GRID2: variants seen among roughly 807,000 people sequenced by gnomAD.
The protein encoded by GRID2 is glutamate ionotropic receptor delta type subunit 2.
Under a neutral mutation model 114.8 loss-of-function variants are expected in GRID2, and 33 were observed. The observed-to-expected ratio is 0.29, with a 90% CI of 0.22 to 0.38. The LOEUF (loss-of-function observed/expected upper bound fraction) is 0.38, where lower values mean the gene tolerates loss of function less well. Ranked by LOEUF, GRID2 falls within the 10% of genes least tolerant of loss-of-function variation. The pLI is 1.00. For synonymous variants in GRID2, 505 were observed against 449.9 expected (o/e 1.12, Z -1.55); for missense variants, 1,184 against 1,257.7 (o/e 0.94, Z 0.89).
chr4:93,685,395 T>C (rs922616302), intron 14 of GRID2, among the ~76,000 whole-genome samples: 2 of 152,112 alleles, frequency 1.3e-5, no homozygotes, highest in African/African-American at 4.8e-5. Flanking sequence ...AGGTGTTCCT[T>C]GACTCCTGGA....
intron 11 of GRID2, among the ~76,000 whole-genome samples, chr4:93,484,183 A>C (rs1437603172): frequency 1.3e-5 from 2 of 151,996 alleles, no homozygotes; most frequent in East Asian, 3.9e-4. Context: ...AATTACCAGC[A>C]ATGGTCCACC....
intron 2 of GRID2, among the ~76,000 whole-genome samples, chr4:93,077,754 A>T (rs1391038210): frequency 6.6e-6 from 1 of 152,190 alleles, no homozygotes; most frequent in East Asian, 1.9e-4. Flanking sequence ...TCAGTTATTA[A>T]GTATAGGACA....
At chr4:92,537,684 C>T (rs1318577629) in intron 1 of GRID2, among the ~76,000 whole-genome samples, 1 of 151,706 alleles carries the variant, frequency 6.6e-6, no homozygotes, top group African/African-American at 2.4e-5. Context: ...GTCTTGTGAG[C>T]AGTGATCATG....
At chr4:92,616,865 C>T (rs1029493940) in intron 2 of GRID2, among the ~76,000 whole-genome samples, 14 of 151,382 alleles carry the variant, frequency 9.2e-5, no homozygotes, top group Non-Finnish European at 1.9e-4. Context: ...GAATCATTCT[C>T]TGCTAAATCT....
chr4:93,399,620 T>C (rs1473579878), intron 9 of GRID2, among the ~76,000 whole-genome samples: 1 of 152,008 alleles, frequency 6.6e-6, no homozygotes, highest in African/African-American at 2.4e-5. Context: ...GACAAAGCAA[T>C]AGAGCCATGG....
chr4:92,644,104 TA>T (rs975452016), intron 2 of GRID2, among the ~76,000 whole-genome samples: 7 of 151,504 alleles, frequency 4.6e-5, no homozygotes, highest in African/African-American at 1.7e-4. Context: ...GTGTTGCTTA[TA>T]AAAAAAGGGT....
At chr4:92,458,834 GA>G in intron 1 of GRID2, among the ~76,000 whole-genome samples, 1 of 151,952 alleles carries the variant, frequency 6.6e-6, no homozygotes, top group East Asian at 1.9e-4. Flanking sequence ...AAATATCTAA[GA>G]AAAAAAGTCC....
At chr4:92,727,588 G>C (rs1042278897) in intron 2 of GRID2, among the ~76,000 whole-genome samples, 1 of 151,984 alleles carries the variant, frequency 6.6e-6, no homozygotes, top group African/African-American at 2.4e-5. Flanking sequence ...CCATATATTT[G>C]TGTTGTATAT....
intron 9 of GRID2, among the ~76,000 whole-genome samples, chr4:93,405,294 C>G (rs776148716): frequency 6.6e-6 from 1 of 152,100 alleles, no homozygotes; most frequent in Non-Finnish European, 1.5e-5. Flanking sequence ...TTCACTTCAG[C>G]GCTCACTAAA....
At chr4:93,542,426 T>G (rs1202274430) in intron 13 of GRID2, among the ~76,000 whole-genome samples, 1 of 152,136 alleles carries the variant, frequency 6.6e-6, no homozygotes, top group African/African-American at 2.4e-5. Context: ...TAGCCATAAC[T>G]CCAACAAATA....
At chr4:92,651,327 G>A (rs1458723375) in intron 2 of GRID2, among the ~76,000 whole-genome samples, 7 of 152,134 alleles carry the variant, frequency 4.6e-5, no homozygotes, top group South Asian at 2.1e-4. Context: ...GGCAGATTGC[G>A]TATACAACAG....
chr4:92,907,144 C>T lies in GRID2; in HGVS notation c.245-177851C>T, dbSNP rs185888054. The stretch of plus-strand genomic sequence containing the variant: ...CATGATCATCAACCAGTATATGCCC[C>T]GTTTTTCCATTCCAGATCATTCTTT... On this transcript the variant is annotated intron_variant, in intron 2 of 15. Transcript: ENST00000282020. Among the ~76,000 whole-genome samples, 632 of 152,212 alleles carry T rather than the reference C, an allele frequency of 4.2e-3. 7 individuals carry two copies. Among genetic ancestry groups the T allele is most frequent in the African/African-American group, 0.014 (593 of 41,536 alleles).
rs554185988 is a variant in GRID2, at chr4:93,543,591, T to C, written c.2193+28180T>C. ...CCAGTTGGCAATAAAATAGAATGTA[T>C]TAATGTCTCAGTAGACAATAACTTC... On this transcript the variant is annotated intron_variant, in intron 13 of 15. Coordinates refer to ENST00000282020, the MANE Select transcript of GRID2 (RefSeq NM_001510.4). Among the ~76,000 whole-genome samples, 75 of 152,312 alleles carry C rather than the reference T, an allele frequency of 4.9e-4. 2 individuals carry two copies. In the South Asian group the frequency reaches 0.016, roughly 32 times the overall value.
intron 2 of GRID2, among the ~76,000 whole-genome samples, chr4:92,870,643 C>A (rs1745209631): frequency 6.6e-6 from 1 of 151,964 alleles, no homozygotes; most frequent in African/African-American, 2.4e-5. Flanking sequence ...TAACAGATGG[C>A]ATTCAATTAT....
intron 8 of GRID2, among the ~76,000 whole-genome samples, chr4:93,390,596 C>T (rs1477901658): frequency 6.6e-6 from 1 of 152,080 alleles, no homozygotes; most frequent in African/African-American, 2.4e-5. Flanking sequence ...TCTTCTAGAG[C>T]TTCTTATCTG....
chr4:93,237,471 G>T (rs1746931181), intron 7 of GRID2, among the ~76,000 whole-genome samples: 1 of 151,780 alleles, frequency 6.6e-6, no homozygotes, highest in African/African-American at 2.4e-5. Flanking sequence ...TGTCAAGTGA[G>T]ATATATTTAA....
chr4:93,715,257 C>G (rs565346193), intron 14 of GRID2, among the ~76,000 whole-genome samples: 1 of 151,848 alleles, frequency 6.6e-6, no homozygotes. Context: ...GCAGTCTTAC[C>G]TCTGCATTCT....
At chr4:93,139,395 A>C (rs902115418) in intron 4 of GRID2, among the ~76,000 whole-genome samples, 1 of 152,178 alleles carries the variant, frequency 6.6e-6, no homozygotes, top group Non-Finnish European at 1.5e-5. Flanking sequence ...CTGAAGTCAG[A>C]GGCTTCCATA....
Position 93,123,117 on chromosome 4 carries a change from C to T in GRID2, c.735+12164C>T, listed in dbSNP as rs140692107. 3.7e-3 allele frequency among the ~76,000 whole-genome samples: 558 copies of T among 151,936 alleles called. 1 individual carries two copies. The highest frequency in any genetic ancestry group is 0.012 in the African/African-American group (483 of 41,446). ...AGTCTAAACTTCCAAATAAAACAGA[C>T]CCAAATTACCGCTCTTGTGACCACT... On this transcript the variant is annotated intron_variant, in intron 4 of 15. Coordinates refer to ENST00000282020, the MANE Select transcript of GRID2 (RefSeq NM_001510.4).
Sources: allele counts gnomAD v4.1 joint callset (sites outside exome capture counted in the v4.1 genomes callset), GRCh38; gene constraint gnomAD v4.1.1; transcripts MANE v1.5; gene names NCBI Gene and HGNC (gene_info 2026-07-23, HGNC 2026-07-21).